The following PDE4D variants were observed in gnomAD, a reference collection of about 807,000 sequenced individuals.
PDE4D encodes the protein phosphodiesterase 4D, also known as 3',5'-cyclic-AMP phosphodiesterase 4D.
Under a neutral mutation model 87.4 loss-of-function variants are expected in PDE4D, and 24 were observed. The ratio of observed to expected loss-of-function variants is 0.27; its 90% confidence interval spans 0.20 to 0.39. The LOEUF is 0.39. Ranked by LOEUF, PDE4D falls within the 10% of genes least tolerant of loss-of-function variation. The pLI is 1.00. For missense variants in PDE4D, 714 were observed against 1,041.0 expected (o/e 0.69, Z 4.32); for synonymous variants, 384 against 383.2 (o/e 1.00, Z -0.02).
chr5:59,927,151 TTGAC>T (rs978265464), intron 3 of PDE4D, among the ~76,000 whole-genome samples: 1 of 152,220 alleles, frequency 6.6e-6, no homozygotes, highest in African/African-American at 2.4e-5. Flanking sequence ...GCAGTTTCTC[TTGAC>T]TAATAGTATT....
At chr5:59,622,917 T>C (rs193295044) in intron 1 of PDE4D, among the ~76,000 whole-genome samples, 18 of 152,320 alleles carry the variant, frequency 1.2e-4, no homozygotes, top group African/African-American at 4.3e-4. Context: ...AGTCTTTTTG[T>C]CCTGATTCTT....
At chr5:59,306,230 A>C (rs531687883) in intron 1 of PDE4D, among the ~76,000 whole-genome samples, 1 of 152,226 alleles carries the variant, frequency 6.6e-6, no homozygotes, top group Admixed American at 6.5e-5. Context: ...TTTGGTGTCC[A>C]TTTGCATGGA....
intron 1 of PDE4D, among the ~76,000 whole-genome samples, chr5:60,203,746 T>C (rs1020185952): frequency 6.6e-6 from 1 of 152,224 alleles, no homozygotes; most frequent in African/African-American, 2.4e-5. Flanking sequence ...GCTTCTCATA[T>C]GAAAGATGGT....
chr5:59,499,630 GACT>G (rs1807910022), intron 1 of PDE4D, among the ~76,000 whole-genome samples: 1 of 152,034 alleles, frequency 6.6e-6, no homozygotes, highest in African/African-American at 2.4e-5. Flanking sequence ...GATCCTCAGA[GACT>G]ACTATGTACA....
At chr5:60,002,331 G>T (rs759495833) in intron 2 of PDE4D, among the ~76,000 whole-genome samples, 1 of 151,564 alleles carries the variant, frequency 6.6e-6, no homozygotes, top group African/African-American at 2.4e-5. Flanking sequence ...AGGGTGAATT[G>T]TAGCAAGCAT....
chr5:59,255,449 G>A (rs2153532021), intron 1 of PDE4D, among the ~76,000 whole-genome samples: 1 of 152,136 alleles, frequency 6.6e-6, no homozygotes, highest in East Asian at 1.9e-4. Flanking sequence ...TGGGGGAGAT[G>A]GAGGGTGATA....
At chr5:59,976,824 A>C (rs1761383302) in intron 3 of PDE4D, among the ~76,000 whole-genome samples, 1 of 152,086 alleles carries the variant, frequency 6.6e-6, no homozygotes, top group Admixed American at 6.6e-5. Flanking sequence ...AATATTATGA[A>C]CTTTTTCATT....
chr5:59,108,492 T>C (rs569908574), intron 5 of PDE4D, among the ~76,000 whole-genome samples: 1 of 152,218 alleles, frequency 6.6e-6, no homozygotes, highest in African/African-American at 2.4e-5. Context: ...ATGGTAATAT[T>C]TGGTCATAGG....
At chr5:60,274,295 C>T (rs762197461) in intron 1 of PDE4D, among the ~76,000 whole-genome samples, 38 of 152,018 alleles carry the variant, frequency 2.5e-4, no homozygotes, top group Non-Finnish European at 4.4e-4. Flanking sequence ...AATCAGTGAT[C>T]ATCACTTTAG....
At chr5:59,232,511 C>CAAA (rs34024693) in intron 1 of PDE4D, among the ~76,000 whole-genome samples, 13,235 of 141,722 alleles carry the variant, frequency 0.093, 685 homozygotes, top group African/African-American at 0.11. Context: ...ATTAAAAGAC[C>CAAA]AAAAAAAAAA....
chr5:59,764,822 A>T (rs897741113), intron 1 of PDE4D, among the ~76,000 whole-genome samples: 8 of 151,668 alleles, frequency 5.3e-5, no homozygotes, highest in Admixed American at 6.6e-5. Context: ...TGCCTGGCTA[A>T]TTTTTTGTAT....
intron 3 of PDE4D, among the ~76,000 whole-genome samples, chr5:59,958,694 A>C (rs187775882): frequency 3.9e-5 from 6 of 152,266 alleles, no homozygotes; most frequent in African/African-American, 1.4e-4. Context: ...AATATATCCC[A>C]AAATAATAAG....
At chr5:59,439,176 T>C (rs7735649) in intron 1 of PDE4D, among the ~76,000 whole-genome samples, 3,189 of 152,116 alleles carry the variant, frequency 0.021, 118 homozygotes, top group African/African-American at 0.071. Context: ...TTGACCACCA[T>C]GGTGAAACCT....
intron 1 of PDE4D, among the ~76,000 whole-genome samples, chr5:59,402,123 A>C (rs1790749227): frequency 6.6e-6 from 1 of 152,250 alleles, no homozygotes; most frequent in African/African-American, 2.4e-5. Context: ...GTTAGTATTT[A>C]ACTCAAGTAG....
chr5:59,846,577 G>A (rs190087283), intron 1 of PDE4D, among the ~76,000 whole-genome samples: 17 of 152,138 alleles, frequency 1.1e-4, no homozygotes, highest in African/African-American at 3.9e-4. Flanking sequence ...GACCATTTAA[G>A]ATATTTGTCA....
At position 60,468,049 on chromosome 5, in the gene PDE4D, C is replaced by T. The variant is rs146587158; in HGVS notation, c.-90+19893G>A. ...TATGATAATACCTTGTAGAACCAAG[C>T]CACTCAACCAGTCCAAATGCTGGTC... On this transcript the variant is annotated intron_variant, in intron 1 of 16. Transcript: ENST00000502484. Among the ~76,000 whole-genome samples, 817 of 152,238 alleles carry T rather than the reference C, an allele frequency of 5.4e-3. 5 individuals carry two copies. Among genetic ancestry groups the T allele is most frequent in the Admixed American group, 9.4e-3 (143 of 15,286 alleles).
intron 1 of PDE4D, among the ~76,000 whole-genome samples, chr5:59,393,573 G>T (rs2153609641): frequency 6.6e-6 from 1 of 152,242 alleles, no homozygotes; most frequent in South Asian, 2.1e-4. Context: ...TCATTCTAGT[G>T]AAGTCTTACA....
intron 1 of PDE4D, among the ~76,000 whole-genome samples, chr5:59,236,999 A>C (rs2153520257): frequency 1.3e-5 from 2 of 152,294 alleles, no homozygotes; most frequent in South Asian, 4.1e-4. Flanking sequence ...TTCCCTTCAA[A>C]TCTTGTCTCT....
chr5:59,616,537 T>A (rs1324746301), intron 1 of PDE4D, among the ~76,000 whole-genome samples: 1 of 152,126 alleles, frequency 6.6e-6, no homozygotes, highest in Non-Finnish European at 1.5e-5. Flanking sequence ...AGTTTAAGAA[T>A]AGGAATTACC....
Sources: allele counts gnomAD v4.1 joint callset (sites outside exome capture counted in the v4.1 genomes callset), GRCh38; gene constraint gnomAD v4.1.1; transcripts MANE v1.5; gene names NCBI Gene and HGNC (gene_info 2026-07-23, HGNC 2026-07-21).